The following SH2D4A variants were observed in gnomAD, a reference collection of about 807,000 sequenced individuals.
SH2D4A encodes the protein SH2 domain-containing protein 4A.
SH2D4A carries 70 observed loss-of-function variants against 64.7 expected under a neutral mutation model. The observed-to-expected ratio is 1.08, with a 90% CI of 0.89 to 1.32. SH2D4A has a LOEUF of 1.32. Among genes scored for constraint, SH2D4A ranks in the 40% most tolerant of loss-of-function variants. The pLI is 0.00. For synonymous variants in SH2D4A, 268 were observed against 200.7 expected (o/e 1.34, Z -2.83); for missense variants, 706 against 540.1 (o/e 1.31, Z -3.04).
intron 2 of SH2D4A, among the ~76,000 whole-genome samples, chr8:19,332,628 G>A (rs997282190): frequency 1.1e-4 from 16 of 149,302 alleles, no homozygotes; most frequent in African/African-American, 2.5e-4. Flanking sequence ...ACCCAGAGGC[G>A]GAGGTTGCAG....
At chr8:19,394,436 C>G in intron 9 of SH2D4A, 114 bp from the exon 10 acceptor site, 1 of 681,346 alleles carries the variant, frequency 1.5e-6, no homozygotes, top group Non-Finnish European at 2.4e-6. Context: ...TGATCATAAA[C>G]CACAAAAGCT....
At chr8:19,383,675 A>T (rs552559344) in intron 8 of SH2D4A, among the ~76,000 whole-genome samples, 2 of 152,148 alleles carry the variant, frequency 1.3e-5, no homozygotes, top group Non-Finnish European at 2.9e-5. Context: ...CTCTATGTCA[A>T]GGATCAGCCT....
At chr8:19,390,353 C>T (rs2053470633) in intron 8 of SH2D4A, among the ~76,000 whole-genome samples, 1 of 152,148 alleles carries the variant, frequency 6.6e-6, no homozygotes, top group Non-Finnish European at 1.5e-5. Flanking sequence ...TGCACTGCAG[C>T]TTGAGTGACT....
intron 8 of SH2D4A, among the ~76,000 whole-genome samples, chr8:19,378,121 C>A (rs2053227563): frequency 1.3e-5 from 2 of 152,206 alleles, no homozygotes; most frequent in South Asian, 4.1e-4. Flanking sequence ...GACGATTTTT[C>A]TAATGAATTG....
chr8:19,377,562 G>T (rs542834336), intron 8 of SH2D4A, among the ~76,000 whole-genome samples: 1 of 152,098 alleles, frequency 6.6e-6, no homozygotes, highest in South Asian at 2.1e-4. Context: ...ATTTAAATGG[G>T]ATCATGTTAC....
chr8:19,321,929 T>C (rs2052198430), intron 2 of SH2D4A, among the ~76,000 whole-genome samples: 2 of 152,184 alleles, frequency 1.3e-5, no homozygotes, highest in African/African-American at 4.8e-5. Flanking sequence ...CATTTCTCGC[T>C]TGTAGGGTTT....
At chr8:19,330,144 G>C (rs2052347495) in intron 2 of SH2D4A, among the ~76,000 whole-genome samples, 1 of 152,062 alleles carries the variant, frequency 6.6e-6, no homozygotes, top group African/African-American at 2.4e-5. Flanking sequence ...CTCATTTTCT[G>C]CCTTGTAGAA....
At chr8:19,345,835 T>C (rs1452154067) in intron 4 of SH2D4A, among the ~76,000 whole-genome samples, 2 of 152,162 alleles carry the variant, frequency 1.3e-5, no homozygotes, top group Admixed American at 1.3e-4. Flanking sequence ...TTCAAGGAGA[T>C]CCCTTACAGA....
chr8:19,362,705 A>C (rs2052911651), intron 6 of SH2D4A, among the ~76,000 whole-genome samples: 1 of 152,172 alleles, frequency 6.6e-6, no homozygotes. Context: ...GTACCACTGC[A>C]CTTCAGCCTG....
chr8:19,340,350 G>C (rs1465437274), intron 4 of SH2D4A, among the ~76,000 whole-genome samples: 1 of 152,152 alleles, frequency 6.6e-6, no homozygotes, highest in Non-Finnish European at 1.5e-5. Flanking sequence ...AGCTGATCAG[G>C]TTTATATTTT....
chr8:19,367,545 G>C (rs1226652663), intron 7 of SH2D4A, among the ~76,000 whole-genome samples: 2 of 152,094 alleles, frequency 1.3e-5, no homozygotes, highest in Admixed American at 6.6e-5. Flanking sequence ...GTCTTCTTTT[G>C]AGAAATGCCT....
Position 19,373,737 on chromosome 8 carries a change from T to A in SH2D4A, c.1048+77T>A. On this transcript the variant is annotated intron_variant, in intron 8 of 9. Coordinates refer to ENST00000265807, the MANE Select transcript of SH2D4A (RefSeq NM_022071.4). ...GTGCTAATCTACCAGGAAGCCAGAATAAAAGCTTCCATTTATTGGTGCTGC... is the reference window on the plus strand; with the variant it reads ...GTGCTAATCTACCAGGAAGCCAGAAAAAAAGCTTCCATTTATTGGTGCTGC... 2.6e-6 allele frequency: 4 copies of A among 1,509,444 alleles called. No homozygotes were observed. The Middle Eastern group carries it at 5.4e-4, about 202-fold the overall frequency. The allele number at this position is 1,509,444 out of a possible 1,614,324, so 93.5% of individuals were successfully genotyped here. A position where few individuals can be genotyped will look rare whatever the true frequency, so the allele number is the denominator to read the frequency against.
At chr8:19,325,808 C>T (rs759771303) in intron 2 of SH2D4A, among the ~76,000 whole-genome samples, 23 of 152,156 alleles carry the variant, frequency 1.5e-4, no homozygotes, top group Non-Finnish European at 3.1e-4. Flanking sequence ...AGGATTGTTA[C>T]GTATGCTAAC....
At chr8:19,332,071 C>A (rs11779578) in intron 2 of SH2D4A, among the ~76,000 whole-genome samples, 1 of 151,936 alleles carries the variant, frequency 6.6e-6, no homozygotes, top group South Asian at 2.1e-4. Context: ...GCACTCCAGC[C>A]TGAGTGACAG....
intron 8 of SH2D4A, among the ~76,000 whole-genome samples, chr8:19,392,359 C>G (rs1370422629): frequency 6.6e-6 from 1 of 152,136 alleles, no homozygotes; most frequent in Non-Finnish European, 1.5e-5. Flanking sequence ...CCTCCCACAC[C>G]AGGGAGTCTC....
chr8:19,372,156 A>G (rs578063157), intron 7 of SH2D4A, among the ~76,000 whole-genome samples: 1 of 152,210 alleles, frequency 6.6e-6, no homozygotes, highest in South Asian at 2.1e-4. Flanking sequence ...GCCTGGCTTT[A>G]TTTGTGCCTG....
chr8:19,320,214 T>C (rs914532790), intron 2 of SH2D4A, among the ~76,000 whole-genome samples: 2 of 152,226 alleles, frequency 1.3e-5, no homozygotes, highest in African/African-American at 4.8e-5. Flanking sequence ...ATCATAATAC[T>C]ATCTTTTTTT....
chr8:19,333,390 A>G (rs2052394515), intron 3 of SH2D4A, among the ~76,000 whole-genome samples: 1 of 152,188 alleles, frequency 6.6e-6, no homozygotes, highest in Admixed American at 6.5e-5. Flanking sequence ...CAGCTGCTTC[A>G]TCTCCCTGCT....
At chr8:19,356,808 A>G (rs767506499) in intron 4 of SH2D4A, among the ~76,000 whole-genome samples, 52 of 152,250 alleles carry the variant, frequency 3.4e-4, no homozygotes, top group Non-Finnish European at 5.1e-4. Context: ...AGTTAAATCC[A>G]GAGACTAAGG....
Sources: gnomAD v4.1 joint callset for allele counts (sites outside exome capture counted in the v4.1 genomes callset) on GRCh38, gnomAD v4.1.1 for gene constraint, MANE v1.5 for transcripts, NCBI Gene and HGNC (gene_info 2026-07-23, HGNC 2026-07-21) for gene names.